The following TAF4B variants were observed in gnomAD, a reference collection of about 807,000 sequenced individuals.
TAF4B encodes the protein transcription initiation factor TFIID subunit 4B.
TAF4B carries 38 observed loss-of-function variants against 86.4 expected under a neutral mutation model. The observed-to-expected ratio is 0.44, with a 90% CI of 0.34 to 0.58. The LOEUF is 0.58. TAF4B is among the 20% of genes least tolerant of loss of function. The pLI, the probability that TAF4B is intolerant of heterozygous loss-of-function variation, is 0.02. For missense variants in TAF4B, 988 were observed against 1,027.6 expected, an observed-to-expected ratio of 0.96 and a Z score of 0.53; for synonymous variants, 388 against 391.2, an observed-to-expected ratio of 0.99 and a Z score of 0.10.
rs192780182 is a variant in TAF4B at position 26,388,493 on chromosome 18, G to A, written c.2422-1352G>A. Among the ~76,000 whole-genome samples, 22 of 152,316 alleles carry A rather than the reference G, an allele frequency of 1.4e-4. No individual in the cohort carries two copies. The Middle Eastern group carries it at 0.01, about 71-fold the overall frequency. On this transcript the variant is annotated intron_variant, in intron 14 of 14. Coordinates refer to ENST00000269142, the MANE Select transcript of TAF4B (RefSeq NM_005640.3). ...TCCTCAGAAAGCTTATGGTCTAGTGGGTATGTAGTGGTGGCGGGAGCATAT... is the reference window on the plus strand; with the variant it reads ...TCCTCAGAAAGCTTATGGTCTAGTGAGTATGTAGTGGTGGCGGGAGCATAT...
At chr18:26,368,214 T>C (rs1190697199) in intron 14 of TAF4B, among the ~76,000 whole-genome samples, 1 of 152,216 alleles carries the variant, frequency 6.6e-6, no homozygotes, top group Admixed American at 6.5e-5. Flanking sequence ...TGAATTCTTA[T>C]GGATATTTAA....
intron 13 of TAF4B, among the ~76,000 whole-genome samples, chr18:26,347,077 A>T (rs10163961): frequency 0.016 from 2,347 of 148,650 alleles, 24 homozygotes; most frequent in South Asian, 0.026. Flanking sequence ...CCCACCACCA[A>T]GCCCAGCTAA....
chr18:26,248,911 C>T (rs577337469), intron 1 of TAF4B, among the ~76,000 whole-genome samples: 5 of 150,200 alleles, frequency 3.3e-5, no homozygotes, highest in African/African-American at 4.9e-5. Flanking sequence ...CAGTGGCTCA[C>T]GCCTGTAATC....
chr18:26,231,115 C>CCACA (rs1469470268), intron 1 of TAF4B, among the ~76,000 whole-genome samples: 1 of 139,222 alleles, frequency 7.2e-6, no homozygotes, highest in Non-Finnish European at 1.5e-5. Context: ...TCTTGGCTCA[C>CCACA]CACAACCTTT....
chr18:26,322,144 T>C (rs897275301), intron 11 of TAF4B, among the ~76,000 whole-genome samples: 9 of 152,158 alleles, frequency 5.9e-5, no homozygotes, highest in Admixed American at 1.3e-4. Context: ...GGTATGTAGG[T>C]AACCTTAAGA....
chr18:26,280,981 A>T (rs2056441595), intron 5 of TAF4B, among the ~76,000 whole-genome samples: 1 of 152,206 alleles, frequency 6.6e-6, no homozygotes, highest in Non-Finnish European at 1.5e-5. Context: ...AAAAAAGAAC[A>T]AGATCATGTT....
At chr18:26,363,588 T>C (rs1041840024) in intron 14 of TAF4B, among the ~76,000 whole-genome samples, 2 of 152,140 alleles carry the variant, frequency 1.3e-5, no homozygotes, top group African/African-American at 4.8e-5. Context: ...GAGAGCCCTA[T>C]TGCATGCTCC....
intron 3 of TAF4B, among the ~76,000 whole-genome samples, chr18:26,272,557 A>G (rs1448589613): frequency 1.3e-5 from 2 of 152,060 alleles, no homozygotes; most frequent in African/African-American, 4.8e-5. Flanking sequence ...AAACGATAGG[A>G]CGTTTTTCCT....
At chr18:26,310,562 T>C (rs1473600723) in intron 9 of TAF4B, among the ~76,000 whole-genome samples, 1 of 152,140 alleles carries the variant, frequency 6.6e-6, no homozygotes, top group African/African-American at 2.4e-5. Context: ...GAAAAAAGAA[T>C]ATTGAAGGCA....
At chr18:26,325,791 T>C (rs2081518665) in intron 11 of TAF4B, among the ~76,000 whole-genome samples, 1 of 152,216 alleles carries the variant, frequency 6.6e-6, no homozygotes, top group Admixed American at 6.5e-5. Context: ...CTATCTTGTG[T>C]TATTTAACTT....
intron 3 of TAF4B, among the ~76,000 whole-genome samples, chr18:26,269,040 T>G (rs1053026287): frequency 6.6e-6 from 1 of 152,096 alleles, no homozygotes; most frequent in Non-Finnish European, 1.5e-5. Context: ...GCCAGGCTGG[T>G]CTCGAACTCT....
intron 13 of TAF4B, among the ~76,000 whole-genome samples, chr18:26,335,677 G>T (rs879555266): frequency 1.3e-5 from 2 of 152,108 alleles, no homozygotes; most frequent in South Asian, 4.1e-4. Context: ...AATTTTCTGG[G>T]CCCAGCAGTT....
At position 26,321,050 on chromosome 18, in the gene TAF4B, G is replaced by A; in HGVS notation, c.2003-20G>A. The A allele has an allele frequency of 6.2e-7, 1 of 1,613,150 alleles. No homozygotes were observed. Among genetic ancestry groups the A allele is most frequent in the South Asian group, 1.1e-5 (1 of 90,982 alleles). On this transcript the variant is annotated intron_variant, in intron 10 of 14. Transcript: ENST00000269142. The stretch of plus-strand genomic sequence containing the variant: ...TCAGCCACTACTAAAACACGTAATG[G>A]ATTTTCTCTGCTTCTGCAGGTAAAA...
chr18:26,324,619 C>T (rs925413710), intron 11 of TAF4B, among the ~76,000 whole-genome samples: 1 of 152,120 alleles, frequency 6.6e-6, no homozygotes, highest in Non-Finnish European at 1.5e-5. Context: ...ATGGTATCTC[C>T]CCCACCTAGA....
intron 14 of TAF4B, among the ~76,000 whole-genome samples, chr18:26,366,820 C>T (rs1444362570): frequency 6.6e-6 from 1 of 152,150 alleles, no homozygotes; most frequent in Non-Finnish European, 1.5e-5. Context: ...CAACCTAATA[C>T]AATCATTATA....
At chr18:26,371,593 G>C (rs1328469638) in intron 14 of TAF4B, among the ~76,000 whole-genome samples, 1 of 152,196 alleles carries the variant, frequency 6.6e-6, no homozygotes, top group Non-Finnish European at 1.5e-5. Flanking sequence ...GCAGTAATCA[G>C]AATAGTCTGA....
rs1212422063 is a variant in TAF4B, at chr18:26,315,146, G to GTCTC, written c.1833-70_1833-67dup. The GTCTC allele has an allele frequency of 6.5e-3, 984 of 151,628 alleles. 47 individuals are homozygous for GTCTC. The highest frequency in any genetic ancestry group is 0.013 in the Middle Eastern group (6 of 450). 9.4% of individuals were successfully genotyped at this position (151,628 alleles called of 1,614,324 possible). On this transcript the variant is annotated intron_variant, in intron 9 of 14. Coordinates refer to ENST00000269142, the MANE Select transcript of TAF4B (RefSeq NM_005640.3). ...TCTCTCTCTCTCTCTCTCTCTCTCTGTCTCTCTCTCTCTCTCACACACACA... is the reference window on the plus strand; with the variant it reads ...TCTCTCTCTCTCTCTCTCTCTCTCTGTCTCTCTCTCTCTCTCTCTCACACACACA...
intron 14 of TAF4B, among the ~76,000 whole-genome samples, chr18:26,383,865 T>G (rs2144394249): frequency 6.6e-6 from 1 of 152,350 alleles, no homozygotes; most frequent in East Asian, 1.9e-4. Flanking sequence ...TCAGAAGTTC[T>G]GCTTGTTGAC....
intron 9 of TAF4B, among the ~76,000 whole-genome samples, chr18:26,298,760 G>A (rs896928706): frequency 1.3e-5 from 2 of 149,482 alleles, no homozygotes; most frequent in Admixed American, 6.7e-5. Context: ...TCCCAGGCTG[G>A]TCTTGAACTC....
Sources: allele counts gnomAD v4.1 joint callset (sites outside exome capture counted in the v4.1 genomes callset), GRCh38; gene constraint gnomAD v4.1.1; transcripts MANE v1.5; gene names NCBI Gene and HGNC (gene_info 2026-07-23, HGNC 2026-07-21).